ACYP2: variants seen among roughly 807,000 people sequenced by gnomAD.
ACYP2 encodes the protein acylphosphatase 2.
A neutral mutation model predicts 11.2 loss-of-function variants in ACYP2; 12 were observed. The ratio of observed to expected loss-of-function variants is 1.08; its 90% CI spans 0.69 to 1.74. The LOEUF (loss-of-function observed/expected upper bound fraction) is 1.74, where lower values mean the gene tolerates loss of function less well. Among genes scored for constraint, ACYP2 ranks in the 40% most tolerant of loss-of-function variants. ACYP2 has a pLI of 0.00. For missense variants in ACYP2, 134 were observed against 101.9 expected (o/e 1.31, Z -1.35); for synonymous variants, 43 against 32.2 (o/e 1.33, Z -1.13).
intron 4 of ACYP2, among the ~76,000 whole-genome samples, chr2:54,078,254 G>A (rs968405781): frequency 2.0e-5 from 3 of 151,554 alleles, no homozygotes; most frequent in African/African-American, 7.3e-5. Flanking sequence ...GCCAATGATT[G>A]CATTTTCTGT....
intron 2 of ACYP2, among the ~76,000 whole-genome samples, chr2:53,993,634 A>T (rs13394278): frequency 0.44 from 65,829 of 151,134 alleles, 14,560 homozygotes; most frequent in South Asian, 0.51. Context: ...GAGGCAGAGG[A>T]TGCAGTAAGC....
At chr2:53,984,814 G>A (rs1477885013) in intron 2 of ACYP2, among the ~76,000 whole-genome samples, 1 of 151,694 alleles carries the variant, frequency 6.6e-6, no homozygotes, top group African/African-American at 2.4e-5. Context: ...AACAAATGTT[G>A]TAGGATGAAT....
intron 2 of ACYP2, among the ~76,000 whole-genome samples, chr2:54,018,442 A>G (rs1011581982): frequency 6.6e-6 from 1 of 152,116 alleles, no homozygotes; most frequent in Non-Finnish European, 1.5e-5. Flanking sequence ...TTTTGTTTTG[A>G]CAGTGTGAAC....
At chr2:54,056,603 A>G (rs1676165651) in intron 3 of ACYP2, among the ~76,000 whole-genome samples, 1 of 152,234 alleles carries the variant, frequency 6.6e-6, no homozygotes, top group African/African-American at 2.4e-5. Context: ...ATAATGATGT[A>G]TATTTTCAAT....
intron 4 of ACYP2, among the ~76,000 whole-genome samples, chr2:54,100,471 T>TA (rs558669842): frequency 9.3e-4 from 141 of 151,736 alleles, no homozygotes; most frequent in Non-Finnish European, 1.9e-3. Context: ...CCTGGCTAAT[T>TA]AAAAAAAGAT....
At chr2:54,099,866 C>T (rs1461045735) in intron 4 of ACYP2, among the ~76,000 whole-genome samples, 1 of 152,180 alleles carries the variant, frequency 6.6e-6, no homozygotes, top group Non-Finnish European at 1.5e-5. Context: ...GAGAAACCTA[C>T]ATACAGTTTT....
At chr2:54,030,219 T>C (rs1373639203) in intron 2 of ACYP2, among the ~76,000 whole-genome samples, 1 of 152,182 alleles carries the variant, frequency 6.6e-6, no homozygotes, top group Non-Finnish European at 1.5e-5. Flanking sequence ...TTCTATCTTA[T>C]CTCCTTTACG....
intron 4 of ACYP2, 61 bp downstream of exon 1, chr2:54,115,817 T>C (rs753591431): frequency 3.1e-5 from 46 of 1,486,458 alleles, no homozygotes; most frequent in Non-Finnish European, 4.1e-5. Context: ...GAGAAAGCTG[T>C]GAGAAGCGCC....
At chr2:54,270,454 C>A (rs1402955011) in intron 6 of ACYP2, among the ~76,000 whole-genome samples, 1 of 152,054 alleles carries the variant, frequency 6.6e-6, no homozygotes, top group Non-Finnish European at 1.5e-5. Flanking sequence ...ATTATTAAAA[C>A]ATAATTAGCC....
At chr2:53,998,783 T>C (rs912173392) in intron 2 of ACYP2, among the ~76,000 whole-genome samples, 5 of 152,074 alleles carry the variant, frequency 3.3e-5, no homozygotes, top group Non-Finnish European at 7.3e-5. Context: ...ACCACTGTAC[T>C]CCAGCCTGGA....
chr2:54,263,270 G>A (rs748760476), intron 6 of ACYP2, among the ~76,000 whole-genome samples: 8 of 152,130 alleles, frequency 5.3e-5, no homozygotes, highest in Non-Finnish European at 8.8e-5. Context: ...ACACTTAAGT[G>A]ACCAGATCTT....
chr2:54,219,881 G>GTGTGTATATA lies in ACYP2; in HGVS notation c.404+81134_404+81135insGTGTATATAT, dbSNP rs1222539416. Among the ~76,000 whole-genome samples, 91 of 99,448 alleles carry GTGTGTATATA rather than the reference G, an allele frequency of 9.2e-4. 1 individual carries two copies. Among genetic ancestry groups the GTGTGTATATA allele is most frequent in the Middle Eastern group, 6.5e-3 (1 of 154 alleles). The allele number at this position is 99,448 out of a possible 152,430, so 65.2% of individuals were successfully genotyped here. A position where few individuals can be genotyped will look rare whatever the true frequency, so the allele number is the denominator to read the frequency against. The stretch of plus-strand genomic sequence containing the variant: ...GATGTGTGTGTGTGTGTGTGTGTGT[G>GTGTGTATATA]TATATATATATATATATATATATAT... On this transcript the variant is annotated intron_variant, in intron 6 of 6. Coordinates refer to ENST00000607452, the MANE Select transcript of ACYP2 (RefSeq NM_001320586.2).
At chr2:54,259,187 A>G (rs2104036744) in intron 6 of ACYP2, among the ~76,000 whole-genome samples, 1 of 152,358 alleles carries the variant, frequency 6.6e-6, no homozygotes, top group South Asian at 2.1e-4. Flanking sequence ...TATAATGAGG[A>G]AGATCTTTGC....
intron 6 of ACYP2, among the ~76,000 whole-genome samples, chr2:54,265,924 C>T (rs1687996613): frequency 6.6e-6 from 1 of 152,188 alleles, no homozygotes; most frequent in Non-Finnish European, 1.5e-5. Context: ...TAGGACTCAG[C>T]ATCCTGAAAA....
Position 54,064,526 on chromosome 2 carries a change from C to A in ACYP2, c.277+7166C>A, listed in dbSNP as rs182401939. ...TTTCATTTCTTCCTAGTGGTAATAT[C>A]TTTTTAATACATTTCTTTGCTTTTT... On this transcript the variant is annotated intron_variant, in intron 4 of 6. Coordinates refer to ENST00000607452, the MANE Select transcript of ACYP2 (RefSeq NM_001320586.2). Among the ~76,000 whole-genome samples the A allele has an allele frequency of 2.8e-3, 423 of 152,274 alleles. 1 individual carries two copies. Among genetic ancestry groups the A allele is most frequent in the South Asian group, 7.9e-3 (38 of 4,826 alleles).
At chr2:54,282,909 T>A (rs901310439) in intron 6 of ACYP2, among the ~76,000 whole-genome samples, 1 of 152,192 alleles carries the variant, frequency 6.6e-6, no homozygotes, top group African/African-American at 2.4e-5. Context: ...GGCTGGGAGA[T>A]GAGAAAGGAG....
At chr2:54,302,542 T>C (rs768380053) in intron 6 of ACYP2, among the ~76,000 whole-genome samples, 1 of 152,212 alleles carries the variant, frequency 6.6e-6, no homozygotes, top group Non-Finnish European at 1.5e-5. Flanking sequence ...TTCATTTTCT[T>C]GATGATCCCA....
At chr2:54,057,508 G>A (rs940927371) in intron 4 of ACYP2, 9 of 386,086 alleles carry the variant, frequency 2.3e-5, no homozygotes, top group Admixed American at 8.9e-5. Context: ...TAAAAGAAAC[G>A]AATATTGAGT....
At chr2:54,044,512 G>A (rs563498886) in intron 2 of ACYP2, among the ~76,000 whole-genome samples, 5 of 151,836 alleles carry the variant, frequency 3.3e-5, no homozygotes, top group African/African-American at 9.7e-5. Context: ...ACCTGAGCCC[G>A]GGAGGTGGAG....
Sources: allele counts gnomAD v4.1 joint callset (sites outside exome capture counted in the v4.1 genomes callset), GRCh38; gene constraint gnomAD v4.1.1; transcripts MANE v1.5; gene names NCBI Gene and HGNC (gene_info 2026-07-23, HGNC 2026-07-21).